DISC1: variants seen among roughly 807,000 people sequenced by gnomAD.
DISC1 encodes disrupted in schizophrenia 1 protein.
A neutral mutation model predicts 84.5 loss-of-function variants in DISC1; 57 were observed. The ratio of observed to expected loss-of-function variants is 0.67; its 90% confidence interval spans 0.55 to 0.84. The LOEUF is 0.84. DISC1 is among the 40% of genes least tolerant of loss of function. DISC1 has a pLI of 0.00. For synonymous variants in DISC1, 411 were observed against 415.2 expected (o/e 0.99, Z 0.12); for missense variants, 1,000 against 1,057.8 (o/e 0.95, Z 0.76).
chr1:231,876,848 C>T (rs1475004034), intron 9 of DISC1, among the ~76,000 whole-genome samples: 1 of 152,154 alleles, frequency 6.6e-6, no homozygotes. Flanking sequence ...TACTTTGTCC[C>T]TCCCACCTTT....
intron 3 of DISC1, chr1:231,723,899 G>A (rs1451190523): frequency 3.0e-6 from 3 of 985,316 alleles, no homozygotes; most frequent in Non-Finnish European, 3.6e-6. Flanking sequence ...TGTGCCCAGT[G>A]CCGATGTCTG....
intron 10 of DISC1, among the ~76,000 whole-genome samples, chr1:232,000,429 T>G (rs867552955): frequency 4.8e-4 from 73 of 152,128 alleles, no homozygotes; most frequent in African/African-American, 1.8e-3. Flanking sequence ...CTGAAAAAAA[T>G]GAACAGAGCC....
intron 1 of DISC1, among the ~76,000 whole-genome samples, chr1:231,631,507 A>G (rs1329780175): frequency 6.6e-6 from 1 of 152,198 alleles, no homozygotes; most frequent in Non-Finnish European, 1.5e-5. Context: ...AGGCCTTCCA[A>G]CGGGACAAGG....
At chr1:231,674,206 A>G (rs1251636314) in intron 1 of DISC1, among the ~76,000 whole-genome samples, 1 of 152,240 alleles carries the variant, frequency 6.6e-6, no homozygotes, top group African/African-American at 2.4e-5. Flanking sequence ...TATGATGCGT[A>G]AATGGACATC....
chr1:231,859,622 A>G (rs2084511069), intron 9 of DISC1, among the ~76,000 whole-genome samples: 1 of 152,224 alleles, frequency 6.6e-6, no homozygotes, highest in Non-Finnish European at 1.5e-5. Context: ...ATCAGTCTGT[A>G]ACATCCATTT....
intron 10 of DISC1, among the ~76,000 whole-genome samples, chr1:231,975,424 A>G (rs1234459850): frequency 1.3e-5 from 2 of 152,212 alleles, no homozygotes; most frequent in Admixed American, 6.5e-5. Context: ...GGATTTCTCA[A>G]AGAACTAAAA....
intron 2 of DISC1, among the ~76,000 whole-genome samples, chr1:231,697,078 G>T (rs1044048086): frequency 3.9e-5 from 6 of 152,314 alleles, no homozygotes; most frequent in African/African-American, 1.4e-4. Flanking sequence ...CTGTGATGAG[G>T]TGGGCTGGTC....
At chr1:231,938,054 G>A (rs925379143) in intron 9 of DISC1, among the ~76,000 whole-genome samples, 5 of 151,942 alleles carry the variant, frequency 3.3e-5, no homozygotes, top group Non-Finnish European at 5.9e-5. Context: ...TTAAGGTTTT[G>A]TTCTTTTGGT....
At chr1:231,722,580 T>A in intron 3 of DISC1, 1 of 1,614,158 alleles carries the variant, frequency 6.2e-7, no homozygotes, top group East Asian at 2.2e-5. Flanking sequence ...AGCCTCGACA[T>A]CCTGAACCAA....
intron 4 of DISC1, chr1:231,750,637 A>G (rs1361936994): frequency 1.0e-6 from 1 of 970,404 alleles, no homozygotes. Context: ...AAAACCTACC[A>G]ATGTCCAGGC....
intron 4 of DISC1, among the ~76,000 whole-genome samples, chr1:231,763,193 G>A (rs1256159347): frequency 6.6e-6 from 1 of 152,098 alleles, no homozygotes; most frequent in African/African-American, 2.4e-5. Context: ...GATCCGCATT[G>A]ACTCCTAAAC....
At chr1:231,986,749 G>A (rs1191692667) in intron 10 of DISC1, among the ~76,000 whole-genome samples, 4 of 152,192 alleles carry the variant, frequency 2.6e-5, no homozygotes, top group East Asian at 1.9e-4. Flanking sequence ...ACTTCACTTG[G>A]TGTATCCAGT....
chr1:231,943,496 A>G (rs1572227398), intron 9 of DISC1, among the ~76,000 whole-genome samples: 1 of 152,202 alleles, frequency 6.6e-6, no homozygotes, highest in East Asian at 1.9e-4. Context: ...ATAGTAGCCC[A>G]GCATGTGAGA....
intron 10 of DISC1, among the ~76,000 whole-genome samples, chr1:231,972,171 G>A (rs2102825312): frequency 6.6e-6 from 1 of 152,300 alleles, no homozygotes; most frequent in African/African-American, 2.4e-5. Context: ...CTGCTCAGTA[G>A]AATTTACTTT....
At chr1:231,865,840 T>A (rs1329148756) in intron 9 of DISC1, among the ~76,000 whole-genome samples, 1 of 152,138 alleles carries the variant, frequency 6.6e-6, no homozygotes, top group African/African-American at 2.4e-5. Flanking sequence ...AGCTTTGGAG[T>A]TGGATATTAT....
chr1:231,704,213 C>G (rs1407856592), intron 3 of DISC1, among the ~76,000 whole-genome samples: 2 of 152,118 alleles, frequency 1.3e-5, no homozygotes, highest in Non-Finnish European at 2.9e-5. Flanking sequence ...ATGACTTGCC[C>G]TCTGAATGCA....
intron 9 of DISC1, among the ~76,000 whole-genome samples, chr1:231,936,446 ACTCT>A (rs913472960): frequency 2.0e-5 from 3 of 151,862 alleles, no homozygotes; most frequent in African/African-American, 7.3e-5. Context: ...ACACCCCTGC[ACTCT>A]CTCTACCCAC....
intron 9 of DISC1, among the ~76,000 whole-genome samples, chr1:231,899,207 G>T (rs1459877962): frequency 6.6e-6 from 1 of 152,136 alleles, no homozygotes; most frequent in East Asian, 1.9e-4. Context: ...TTGGAGCTCT[G>T]GGACAGTAGC....
intron 9 of DISC1, among the ~76,000 whole-genome samples, chr1:231,907,047 C>CTCCTCCCTCCCTTCCTTCCTT (rs2088738952): frequency 1.4e-4 from 2 of 14,568 alleles, no homozygotes; most frequent in Middle Eastern, 0.031. Context: ...CTTTCCCTCC[C>CTCCTCCCTCCCTTCCTTCCTT]TCCTCCCTCC....
Sources: allele counts gnomAD v4.1 joint callset (sites outside exome capture counted in the v4.1 genomes callset), GRCh38; gene constraint gnomAD v4.1.1; transcripts MANE v1.5; gene names NCBI Gene and HGNC (gene_info 2026-07-23, HGNC 2026-07-21).